The following SORCS2 variants were observed in gnomAD, a reference collection of about 807,000 sequenced individuals.
SORCS2 encodes VPS10 domain-containing receptor SorCS2.
SORCS2 carries 100 observed loss-of-function variants against 141.6 expected under a neutral mutation model. That is an observed-to-expected ratio of 0.71 (90% CI 0.60 to 0.83). SORCS2 has a LOEUF of 0.83. SORCS2 is among the 40% of genes least tolerant of loss of function. SORCS2 has a pLI of 0.00. For missense variants in SORCS2, 1,646 were observed against 1,560.2 expected, an observed-to-expected ratio of 1.05 and a Z score of -0.93; for synonymous variants, 789 against 676.9, an observed-to-expected ratio of 1.17 and a Z score of -2.57.
intron 1 of SORCS2, among the ~76,000 whole-genome samples, chr4:7,218,171 G>C (rs931228375): frequency 1.3e-5 from 2 of 152,280 alleles, no homozygotes; most frequent in East Asian, 3.9e-4. Context: ...CCGAGTAGAA[G>C]GTCAGATTGA....
At chr4:7,369,784 G>T (rs138617343) in intron 1 of SORCS2, among the ~76,000 whole-genome samples, 3 of 152,256 alleles carry the variant, frequency 2.0e-5, no homozygotes, top group African/African-American at 7.2e-5. Flanking sequence ...TTTCGTCAGC[G>T]CATCTTCAGC....
intron 3 of SORCS2, among the ~76,000 whole-genome samples, chr4:7,587,822 G>A (rs541416378): frequency 3.3e-5 from 5 of 152,324 alleles, no homozygotes; most frequent in African/African-American, 1.2e-4. Context: ...CACAGTCCTG[G>A]CCATGCCTCT....
intron 1 of SORCS2, among the ~76,000 whole-genome samples, chr4:7,234,908 G>C (rs377605132): frequency 4.7e-4 from 72 of 152,386 alleles, no homozygotes; most frequent in Middle Eastern, 3.4e-3. Flanking sequence ...GGGGCCAGGA[G>C]GCCGGGGAAG....
intron 1 of SORCS2, among the ~76,000 whole-genome samples, chr4:7,216,329 G>A (rs1459936025): frequency 6.6e-6 from 1 of 152,146 alleles, no homozygotes; most frequent in Admixed American, 6.6e-5. Context: ...CTCCACCTGG[G>A]GTCTTCAGTG....
chr4:7,602,267 C>T (rs908529174), intron 3 of SORCS2, among the ~76,000 whole-genome samples: 6 of 151,774 alleles, frequency 4.0e-5, no homozygotes, highest in Non-Finnish European at 7.4e-5. Context: ...CCCCCCACCT[C>T]CCTCCCGGAC....
intron 2 of SORCS2, among the ~76,000 whole-genome samples, chr4:7,451,343 G>T (rs541662804): frequency 6.6e-6 from 1 of 152,240 alleles, no homozygotes; most frequent in East Asian, 1.9e-4. Context: ...CCAGCTGGGA[G>T]CCCCGAGGCC....
chr4:7,284,155 C>G (rs1716064295), intron 1 of SORCS2, among the ~76,000 whole-genome samples: 1 of 152,172 alleles, frequency 6.6e-6, no homozygotes, highest in Non-Finnish European at 1.5e-5. Context: ...CCCCTTCACT[C>G]AAGCACGAAG....
chr4:7,338,354 TTGGA>T lies in SORCS2; in HGVS notation c.481-57911_481-57908del, dbSNP rs142973871. Among the ~76,000 whole-genome samples the T allele has an allele frequency of 2.2e-3, 309 of 138,180 alleles. 5 individuals carry two copies. The East Asian group carries it at 0.036, about 16-fold the overall frequency. 90.7% of individuals were successfully genotyped at this position (138,180 alleles called of 152,430 possible). On this transcript the variant is annotated intron_variant, in intron 1 of 26. Coordinates refer to ENST00000507866, the MANE Select transcript of SORCS2 (RefSeq NM_020777.3). ...GGATGGCTGGCTGGATGGATGTCAG[TTGGA>T]TGGATGGATGGATGGATGGATGTCG... is the stretch of plus-strand genomic sequence containing the variant.
chr4:7,434,203 T>C lies in SORCS2; in HGVS notation c.548+37848T>C, dbSNP rs370798066. The C allele has an allele frequency of 6.8e-6, 11 of 1,613,674 alleles. No homozygotes were observed. The East Asian group carries it at 2.0e-4, about 29-fold the overall frequency. On this transcript the variant is annotated intron_variant, in intron 2 of 26. Transcript: ENST00000507866. The stretch of plus-strand genomic sequence containing the variant: ...AGGGACAAAAAACTGGAAGAGGTAG[T>C]TCTTGCAGAGGACGGCCAGGCCAGG...
intron 8 of SORCS2, among the ~76,000 whole-genome samples, chr4:7,670,768 T>A (rs1577923093): frequency 6.6e-6 from 1 of 150,800 alleles, no homozygotes; most frequent in South Asian, 2.2e-4. Context: ...GGCAGGCAAA[T>A]GTGCGTGTGT....
intron 3 of SORCS2, among the ~76,000 whole-genome samples, chr4:7,563,778 C>T (rs944735669): frequency 6.6e-6 from 1 of 152,202 alleles, no homozygotes; most frequent in Non-Finnish European, 1.5e-5. Context: ...GCTTGTTTAT[C>T]TCATGTGCAC....
At chr4:7,364,959 C>T (rs978208693) in intron 1 of SORCS2, among the ~76,000 whole-genome samples, 1 of 152,226 alleles carries the variant, frequency 6.6e-6, no homozygotes, top group Non-Finnish European at 1.5e-5. Flanking sequence ...GCTTCATAAC[C>T]CTTTGTGTCT....
intron 1 of SORCS2, among the ~76,000 whole-genome samples, chr4:7,297,317 G>A (rs1176897953): frequency 6.6e-6 from 1 of 152,098 alleles, no homozygotes; most frequent in African/African-American, 2.4e-5. Flanking sequence ...CTGGAGGGAA[G>A]AGCCACGCCC....
intron 2 of SORCS2, among the ~76,000 whole-genome samples, chr4:7,474,308 C>T (rs1249808699): frequency 6.6e-6 from 1 of 152,358 alleles, no homozygotes; most frequent in African/African-American, 2.4e-5. Flanking sequence ...GCCCCCTCTG[C>T]GGTTGGCTCT....
intron 1 of SORCS2, among the ~76,000 whole-genome samples, chr4:7,337,518 G>A (rs1046295159): frequency 1.3e-5 from 2 of 152,134 alleles, no homozygotes; most frequent in African/African-American, 4.8e-5. Flanking sequence ...GGCCCTGAGG[G>A]CAGCGGAGAC....
chr4:7,659,913 T>C (rs567584919), intron 5 of SORCS2, among the ~76,000 whole-genome samples: 1 of 152,354 alleles, frequency 6.6e-6, no homozygotes, highest in East Asian at 1.9e-4. Context: ...AGATGTTGCT[T>C]TGGAAATGAC....
chr4:7,346,638 T>G (rs990615336), intron 1 of SORCS2, among the ~76,000 whole-genome samples: 3 of 152,258 alleles, frequency 2.0e-5, no homozygotes, highest in Non-Finnish European at 2.9e-5. Context: ...GACACTGAAG[T>G]CTTCAACTGC....
In SORCS2 at chr4:7,606,211, C is replaced by T. The variant is rs118002316; in HGVS notation, c.649-32117C>T. Reference sequence around the variant, plus strand: ...CTGACAACTCTTTGAAGGTGAGCTACAGGAGAGTTATTGCAGTGAGGAGCT... The same window carrying T: ...CTGACAACTCTTTGAAGGTGAGCTATAGGAGAGTTATTGCAGTGAGGAGCT... On this transcript the variant is annotated intron_variant, in intron 3 of 26. Transcript: ENST00000507866. Among the ~76,000 whole-genome samples, 251 of 152,270 alleles carry T rather than the reference C, an allele frequency of 1.6e-3. 1 individual carries two copies. Among genetic ancestry groups the T allele is most frequent in the East Asian group, 0.015 (76 of 5,178 alleles).
chr4:7,446,594 C>T (rs1268723626), intron 2 of SORCS2, among the ~76,000 whole-genome samples: 1 of 152,146 alleles, frequency 6.6e-6, no homozygotes. Flanking sequence ...GCTCCTTTGT[C>T]CCCAGCATGA....
Sources: allele counts gnomAD v4.1 joint callset (sites outside exome capture counted in the v4.1 genomes callset), GRCh38; gene constraint gnomAD v4.1.1; transcripts MANE v1.5; gene names NCBI Gene and HGNC (gene_info 2026-07-23, HGNC 2026-07-21).